The following CEP55 variants were observed in gnomAD, a reference collection of about 807,000 sequenced individuals.
The protein encoded by CEP55 is centrosomal protein of 55 kDa.
Under a neutral mutation model 63.2 loss-of-function variants are expected in CEP55, and 57 were observed. The ratio of observed to expected loss-of-function variants is 0.90; its 90% CI spans 0.73 to 1.13. The LOEUF is 1.13. Ranked by LOEUF, CEP55 falls within the 50% of genes most tolerant of loss-of-function variation. The pLI is 0.00. For synonymous variants in CEP55, 178 were observed against 191.6 expected, an observed-to-expected ratio of 0.93 and a Z score of 0.59; for missense variants, 456 against 518.9, an observed-to-expected ratio of 0.88 and a Z score of 1.18.
chr10:93,525,844 C>T (rs1463454796), intron 8 of CEP55, among the ~76,000 whole-genome samples: 1 of 151,930 alleles, frequency 6.6e-6, no homozygotes, highest in Admixed American at 6.6e-5. Flanking sequence ...GGAAAGGATT[C>T]CCTATTTAAT....
intron 1 of CEP55, among the ~76,000 whole-genome samples, chr10:93,498,528 T>A (rs1207045499): frequency 6.6e-6 from 1 of 152,198 alleles, no homozygotes; most frequent in Non-Finnish European, 1.5e-5. Context: ...TTTCACCTTA[T>A]AATGGCAAAA....
At chr10:93,527,538 G>A (rs896518993) in intron 8 of CEP55, among the ~76,000 whole-genome samples, 4 of 152,152 alleles carry the variant, frequency 2.6e-5, no homozygotes, top group Non-Finnish European at 4.4e-5. Context: ...TGTCTACAGT[G>A]CTGAAGCAGC....
intron 4 of CEP55, among the ~76,000 whole-genome samples, chr10:93,507,408 G>C (rs1361718598): frequency 6.6e-6 from 1 of 151,746 alleles, no homozygotes; most frequent in African/African-American, 2.4e-5. Context: ...TTTTAGTAGA[G>C]ATGGGGTTTC....
intron 8 of CEP55, among the ~76,000 whole-genome samples, chr10:93,520,573 A>G (rs952682768): frequency 4.6e-5 from 7 of 152,180 alleles, no homozygotes; most frequent in African/African-American, 1.7e-4. Context: ...TTTAAATAAT[A>G]TTGTTTCTAT....
chr10:93,503,992 A>G (rs1487603235), intron 3 of CEP55, among the ~76,000 whole-genome samples: 1 of 151,062 alleles, frequency 6.6e-6, no homozygotes, highest in African/African-American at 2.4e-5. Context: ...TTTTTTAAAC[A>G]TATAAGCTAA....
At chr10:93,519,954 G>A in intron 8 of CEP55, 147 bp downstream of exon 8, 1 of 786,244 alleles carries the variant, frequency 1.3e-6, no homozygotes, top group Non-Finnish European at 2.1e-6. Flanking sequence ...TGAAGCAACT[G>A]CCCTTTGAGC....
intron 2 of CEP55, among the ~76,000 whole-genome samples, chr10:93,501,078 A>G (rs1377562757): frequency 6.6e-6 from 1 of 152,220 alleles, no homozygotes; most frequent in Non-Finnish European, 1.5e-5. Context: ...AATGTAAAAA[A>G]TCAGATCTGT....
intron 7 of CEP55, 132 bp from the exon 8 acceptor site, chr10:93,519,550 C>G (rs756824811): frequency 7.5e-6 from 8 of 1,064,800 alleles, no homozygotes; most frequent in Non-Finnish European, 1.1e-5. Flanking sequence ...TTTCATGGTG[C>G]TTAGGTGAAT....
At chr10:93,520,044 G>T (rs768641571) in intron 8 of CEP55, 4 of 531,936 alleles carry the variant, frequency 7.5e-6, no homozygotes, top group Non-Finnish European at 1.4e-5. Context: ...TGTGATGCTG[G>T]AGGCACTAAA....
In CEP55 at chr10:93,511,130, G is replaced by A. The variant is rs375603071; in HGVS notation, c.528+4074G>A. ...ATTTTTTTTTATTTTTAGTAGAGACGGGGTTTCACCATGTTGGCCAGGCTG... is the reference window on the plus strand; with the variant it reads ...ATTTTTTTTTATTTTTAGTAGAGACAGGGTTTCACCATGTTGGCCAGGCTG... On this transcript the variant is annotated intron_variant, in intron 4 of 8. Coordinates refer to ENST00000371485, the MANE Select transcript of CEP55 (RefSeq NM_018131.5). Among the ~76,000 whole-genome samples, 18 of 151,852 alleles carry A rather than the reference G, an allele frequency of 1.2e-4. No homozygotes were observed. In the East Asian group the frequency reaches 3.1e-3, roughly 26 times the overall value.
At chr10:93,508,075 A>G (rs1317517322) in intron 4 of CEP55, among the ~76,000 whole-genome samples, 2 of 152,208 alleles carry the variant, frequency 1.3e-5, no homozygotes, top group African/African-American at 2.4e-5. Flanking sequence ...TGAAAAGGAA[A>G]CGTTCTTTGT....
intron 6 of CEP55, 58 bp downstream of exon 6, chr10:93,517,306 G>A (rs1235688345): frequency 2.1e-6 from 3 of 1,409,522 alleles, no homozygotes; most frequent in Admixed American, 4.5e-5. Flanking sequence ...TAAGTGTCAG[G>A]GACTATTTGA....
chr10:93,528,003 G>A lies in CEP55; in HGVS notation c.1245G>A (p.Glu415=), dbSNP rs146160605. 2 of 1,613,950 alleles carry A rather than the reference G, an allele frequency of 1.2e-6. No individual in the cohort carries two copies. Among genetic ancestry groups the A allele is most frequent in the Non-Finnish European group, 1.7e-6 (2 of 1,180,012 alleles). The stretch of plus-strand genomic sequence containing the variant: ...AGCCATTAGTCACTTTCCAAGGAGA[G>A]ACTGAAAACAGAGAAAAAGTTGCCG... ...ITEPLVTFQG[E]TENREKVAAS... The change falls in exon 9 of 9, where the codon GAG becomes GAA. Residue 415 remains glutamate, a synonymous_variant. Transcript: ENST00000371485.
chr10:93,504,734 C>A (rs1159220252), intron 3 of CEP55, among the ~76,000 whole-genome samples: 1 of 152,164 alleles, frequency 6.6e-6, no homozygotes, highest in Non-Finnish European at 1.5e-5. Flanking sequence ...TAAAATTTTT[C>A]TTTGAAGTTC....
chr10:93,519,850 A>G lies in CEP55; in HGVS notation c.1191+43A>G. The G allele has an allele frequency of 3.1e-6, 5 of 1,607,586 alleles. No homozygotes were observed. The Middle Eastern group carries it at 5.1e-4, about 163-fold the overall frequency. On this transcript the variant is annotated intron_variant, in intron 8 of 8. Coordinates refer to ENST00000371485, the MANE Select transcript of CEP55 (RefSeq NM_018131.5). ...AAACTAAAATTTGTCTTCGTCTTCCATTTATATACCAAATCAGTTCCGAAC... is the reference window on the plus strand; with the variant it reads ...AAACTAAAATTTGTCTTCGTCTTCCGTTTATATACCAAATCAGTTCCGAAC...
intron 2 of CEP55, among the ~76,000 whole-genome samples, chr10:93,501,411 G>A (rs1053279108): frequency 7.9e-5 from 12 of 152,102 alleles, no homozygotes; most frequent in Non-Finnish European, 1.6e-4. Flanking sequence ...GGTTAAGGCC[G>A]GGCACGGTGG....
chr10:93,497,125 A>G (rs1274630208), intron 1 of CEP55, among the ~76,000 whole-genome samples: 3 of 152,140 alleles, frequency 2.0e-5, no homozygotes, highest in Non-Finnish European at 2.9e-5. Context: ...TTTATGTGGG[A>G]ATTTTTAAAG....
Position 93,518,894 on chromosome 10 carries a change from A to C in CEP55, c.1011A>C (p.Thr337=). Residue 337 remains threonine (T), a synonymous_variant, in exon 7 of 9, where the codon ACA becomes ACC. Coordinates refer to ENST00000371485, the MANE Select transcript of CEP55 (RefSeq NM_018131.5). ...ELLSQVQFLY[T]SLLKQQEEQT... ...TCCTACAGGTCCAGTTTCTTTACAC[A>C]TCTCTGCTAAAGCAGCAAGAAGAAC... 1 of 1,610,856 alleles carries C rather than the reference A, an allele frequency of 6.2e-7. No individual in the cohort carries two copies. Among genetic ancestry groups the C allele is most frequent in the East Asian group, 2.2e-5 (1 of 44,758 alleles).
intron 6 of CEP55, 110 bp from the exon 7 acceptor site, chr10:93,518,767 G>T: frequency 1.5e-6 from 1 of 676,432 alleles, no homozygotes; most frequent in South Asian, 2.0e-5. Context: ...TGACTAGCAG[G>T]TGTTGTCCTG....
Sources: gnomAD v4.1 joint callset for allele counts (sites outside exome capture counted in the v4.1 genomes callset) on GRCh38, gnomAD v4.1.1 for gene constraint, MANE v1.5 for transcripts, NCBI Gene and HGNC (gene_info 2026-07-23, HGNC 2026-07-21) for gene names.